The following BUD31 variants were observed in gnomAD, a reference collection of about 807,000 sequenced individuals.
BUD31 encodes protein BUD31 homolog.
A neutral mutation model predicts 17.9 loss-of-function variants in BUD31; 9 were observed. The ratio of observed to expected loss-of-function variants is 0.50; its 90% CI spans 0.30 to 0.88. The LOEUF (loss-of-function observed/expected upper bound fraction) is 0.88, where lower values mean the gene tolerates loss of function less well. Ranked by LOEUF, BUD31 falls within the 40% of genes least tolerant of loss-of-function variation. BUD31 has a pLI of 0.06. For missense variants in BUD31, 148 were observed against 184.5 expected (o/e 0.80, Z 1.15); for synonymous variants, 70 against 64.7 (o/e 1.08, Z -0.39).
Position 99,416,211 on chromosome 7 carries a change from A to G in BUD31, c.168A>G (p.Lys56=). ...LWPIFRIHHQ[K]TRYIFDLFYK... is the part of the protein sequence containing the mutation. ...CCATCTTCAGGATCCACCACCAGAA[A>G]ACCCGCTACATCTTCGACCTCTTTT... is the stretch of plus-strand genomic sequence containing the variant. Residue 56 remains lysine, a synonymous_variant, in exon 4 of 6, where the codon AAA becomes AAG. Transcript: ENST00000222969. 1.9e-6 allele frequency: 3 copies of G among 1,614,072 alleles called. No individual in the cohort carries two copies. The highest frequency in any genetic ancestry group is 2.5e-6 in the Non-Finnish European group (3 of 1,179,956).
At chr7:99,412,585 C>T (rs576097089) in intron 3 of BUD31, among the ~76,000 whole-genome samples, 125 of 152,026 alleles carry the variant, frequency 8.2e-4, no homozygotes, top group African/African-American at 3.0e-3. Flanking sequence ...TCCACTGCCA[C>T]GCTTGGCTAA....
chr7:99,410,394 A>AT (rs111796919), intron 2 of BUD31, among the ~76,000 whole-genome samples: 5,750 of 124,088 alleles, frequency 0.046, 147 homozygotes, highest in South Asian at 0.066. Context: ...AATTTTTTTG[A>AT]TTTTTTTTTT....
In BUD31 at chr7:99,409,223, G is replaced by A. The variant is rs1361239914; in HGVS notation, c.-188G>A. On this transcript the variant is annotated 5_prime_UTR_variant, in exon 1 of 6. Coordinates refer to ENST00000222969, the MANE Select transcript of BUD31 (RefSeq NM_003910.4). ...CGGTAGATTTGGGGGTTTTCCTCTAGGATTCTCGCGCCGTTTCCTCTGGTA... is the reference window on the plus strand; with the variant it reads ...CGGTAGATTTGGGGGTTTTCCTCTAAGATTCTCGCGCCGTTTCCTCTGGTA... The A allele has an allele frequency of 6.6e-6, 1 of 152,260 alleles. No individual in the cohort carries two copies. Among genetic ancestry groups the A allele is most frequent in the Admixed American group, 6.5e-5 (1 of 15,270 alleles). The allele number at this position is 152,260 out of a possible 1,614,324, so 9.4% of individuals were successfully genotyped here.
intron 2 of BUD31, among the ~76,000 whole-genome samples, chr7:99,410,474 C>G (rs1284613260): frequency 6.6e-6 from 1 of 151,538 alleles, no homozygotes; most frequent in African/African-American, 2.4e-5. Flanking sequence ...AAGTGATCCT[C>G]CCATCTCAGC....
chr7:99,411,275 A>G (rs1795173397), intron 3 of BUD31, 89 bp downstream of exon 3: 1 of 970,442 alleles, frequency 1.0e-6, no homozygotes, highest in South Asian at 1.5e-5. Flanking sequence ...TGCAAATATA[A>G]AAAGAGAGTG....
At chr7:99,409,929 A>G (rs533812709) in intron 1 of BUD31, 105 bp from the exon 2 acceptor site, 1 of 152,326 alleles carries the variant, frequency 6.6e-6, no homozygotes, top group Admixed American at 6.5e-5. Context: ...TGCTATTTAG[A>G]TTGGGATCGG....
chr7:99,409,915 G>A (rs1367444585), intron 1 of BUD31, 119 bp from the exon 2 acceptor site: 2 of 152,172 alleles, frequency 1.3e-5, no homozygotes, highest in Non-Finnish European at 2.9e-5. Context: ...TTTGAAAAAC[G>A]CTTTGCTATT....
chr7:99,410,732 A>G (rs1282045883), intron 2 of BUD31, among the ~76,000 whole-genome samples: 1 of 152,228 alleles, frequency 6.6e-6, no homozygotes, highest in Non-Finnish European at 1.5e-5. Context: ...GAAGTTAGCT[A>G]ATGACAACAG....
intron 5 of BUD31, chr7:99,418,778 G>T (rs1207949757): frequency 6.5e-6 from 1 of 152,828 alleles, no homozygotes; most frequent in Non-Finnish European, 1.5e-5. Flanking sequence ...GCCCGCTGTA[G>T]ACTTACCTGG....
In BUD31 at chr7:99,409,113, C is replaced by T. The variant is rs1795057914; in HGVS notation, c.-298C>T. 1 of 152,268 alleles carries T rather than the reference C, an allele frequency of 6.6e-6. No individual in the cohort carries two copies. Among genetic ancestry groups the T allele is most frequent in the South Asian group, 2.1e-4 (1 of 4,838 alleles). 9.4% of individuals were successfully genotyped at this position (152,268 alleles called of 1,614,324 possible). ...ATGAGTGGCTGGACTCTCAGCCAGC[C>T]ACTGGGATGTGTTCGGGCTTTGGAC... On this transcript the variant is annotated 5_prime_UTR_variant, in exon 1 of 6. Coordinates refer to ENST00000222969, the MANE Select transcript of BUD31 (RefSeq NM_003910.4).
intron 3 of BUD31, chr7:99,411,899 T>G (rs1472544461): frequency 1.2e-5 from 4 of 335,178 alleles, no homozygotes; most frequent in Non-Finnish European, 1.8e-5. Context: ...TAGAGATGGG[T>G]TTCTCCATGT....
chr7:99,417,422 T>C lies in BUD31; in HGVS notation c.218-7T>C. 6.2e-7 allele frequency: 1 copy of C among 1,613,814 alleles called. No individual in the cohort carries two copies. Among genetic ancestry groups the C allele is most frequent in the Non-Finnish European group, 8.5e-7 (1 of 1,179,768 alleles). ...GGCCTGATGCTCTTTCCCCATCTTT[T>C]TGACAGAACTCTATGAATATTGTAT... is the stretch of plus-strand genomic sequence containing the variant. On this transcript the variant is annotated splice_region_variant and splice_polypyrimidine_tract_variant and intron_variant, in intron 4 of 5. Transcript: ENST00000222969.
chr7:99,415,068 C>A, intron 3 of BUD31: 1 of 364,812 alleles, frequency 2.7e-6, no homozygotes, highest in South Asian at 2.1e-5. Context: ...CCCACAGGGT[C>A]GGTGGGTTTC....
intron 4 of BUD31, 174 bp downstream of exon 4, chr7:99,416,434 TTTTGAGATGG>T (rs1795466582): frequency 1.3e-6 from 1 of 770,738 alleles, no homozygotes; most frequent in African/African-American, 1.8e-5. Flanking sequence ...TGTTTGTTTG[TTTTGAGATGG>T]AGTCTCACTC....
At chr7:99,412,789 T>A (rs996448778) in intron 3 of BUD31, among the ~76,000 whole-genome samples, 3 of 150,276 alleles carry the variant, frequency 2.0e-5, no homozygotes, top group African/African-American at 7.4e-5. Context: ...TTTTTTTTTT[T>A]TTTTTGTATT....
At chr7:99,409,997 C>T (rs1224367500) in intron 1 of BUD31, 37 bp from the exon 2 acceptor site, 2 of 152,136 alleles carry the variant, frequency 1.3e-5, no homozygotes. Flanking sequence ...TGAAAGAGAC[C>T]TTGGCAATCA....
intron 3 of BUD31, among the ~76,000 whole-genome samples, chr7:99,415,510 T>G (rs1291488196): frequency 2.6e-5 from 4 of 152,110 alleles, no homozygotes; most frequent in Non-Finnish European, 5.9e-5. Context: ...TCTGGATAAC[T>G]GCGGGCGGGC....
At chr7:99,417,405 GCT>G (rs1310889864) in intron 4 of BUD31, 22 bp from the exon 5 acceptor site, 2 of 1,611,198 alleles carry the variant, frequency 1.2e-6, no homozygotes, top group Non-Finnish European at 1.7e-6. Flanking sequence ...ATGGCCTGAT[GCT>G]CTTTCCCCAT....
chr7:99,417,834 C>G (rs1795591049), intron 5 of BUD31: 4 of 1,463,356 alleles, frequency 2.7e-6, no homozygotes, highest in Non-Finnish European at 3.6e-6. Flanking sequence ...AATTACTGAA[C>G]CCCTTTCCTC....
Sources: gnomAD v4.1 joint callset for allele counts (sites outside exome capture counted in the v4.1 genomes callset) on GRCh38, gnomAD v4.1.1 for gene constraint, MANE v1.5 for transcripts, NCBI Gene and HGNC (gene_info 2026-07-23, HGNC 2026-07-21) for gene names.